Variants in RNF144A observed in about 807,000 individuals in gnomAD.
The protein encoded by RNF144A is E3 ubiquitin-protein ligase RNF144A.
RNF144A carries 11 observed loss-of-function variants against 38.7 expected under a neutral mutation model. The observed-to-expected ratio is 0.28, with a 90% CI of 0.18 to 0.47. The LOEUF (loss-of-function observed/expected upper bound fraction) is 0.47, where lower values mean the gene tolerates loss of function less well. RNF144A is among the 20% of genes least tolerant of loss of function. The pLI is 0.99. For synonymous variants in RNF144A, 149 were observed against 143.9 expected (o/e 1.04, Z -0.25); for missense variants, 316 against 377.2 (o/e 0.84, Z 1.34).
intron 2 of RNF144A, among the ~76,000 whole-genome samples, chr2:6,959,109 C>T (rs1408007832): frequency 6.6e-6 from 1 of 152,188 alleles, no homozygotes; most frequent in South Asian, 2.1e-4. Context: ...GAGGACAGGG[C>T]CTCTGCATCC....
intron 2 of RNF144A, among the ~76,000 whole-genome samples, chr2:6,952,126 A>G (rs893659781): frequency 6.6e-6 from 1 of 152,072 alleles, no homozygotes; most frequent in Non-Finnish European, 1.5e-5. Flanking sequence ...TACATGTTGA[A>G]TTTTATCAAA....
At chr2:7,022,046 C>T (rs1671567605) in intron 6 of RNF144A, among the ~76,000 whole-genome samples, 1 of 152,224 alleles carries the variant, frequency 6.6e-6, no homozygotes, top group Admixed American at 6.5e-5. Context: ...AATCCGAATC[C>T]TAAGCCTCTC....
intron 2 of RNF144A, among the ~76,000 whole-genome samples, chr2:6,955,039 G>A (rs1666915333): frequency 6.6e-6 from 1 of 152,092 alleles, no homozygotes; most frequent in South Asian, 2.1e-4. Flanking sequence ...AGACAAATCA[G>A]GATTTCATCA....
chr2:6,987,882 G>A (rs1048975824), intron 2 of RNF144A, among the ~76,000 whole-genome samples: 7 of 152,090 alleles, frequency 4.6e-5, no homozygotes, highest in African/African-American at 1.7e-4. Context: ...TATTTCTTAC[G>A]AAGCTTTAAT....
intron 1 of RNF144A, among the ~76,000 whole-genome samples, chr2:6,935,205 A>G (rs1006156969): frequency 6.6e-6 from 1 of 152,078 alleles, no homozygotes; most frequent in African/African-American, 2.4e-5. Context: ...CCTTCCTGTT[A>G]CTACTTTAGC....
chr2:6,994,117 G>A (rs1234229730), intron 2 of RNF144A, among the ~76,000 whole-genome samples: 2 of 152,164 alleles, frequency 1.3e-5, no homozygotes, highest in Non-Finnish European at 2.9e-5. Context: ...ACTGCAAAGC[G>A]TGAACTCTTT....
chr2:7,061,320 C>T (rs1673944340), intron 6 of RNF144A, among the ~76,000 whole-genome samples: 1 of 152,194 alleles, frequency 6.6e-6, no homozygotes. Context: ...ACAGAGCTCT[C>T]ATGGGAGCCT....
Position 7,041,568 on chromosome 2 carries a change from T to C in RNF144A, c.*1808T>C, listed in dbSNP as rs1421155898. ...TTTGTGGTGCTGTGATGGTGTCTAC[T>C]GTTAGAATAGCTTTTCTGGAGGTGG... On this transcript the variant is annotated 3_prime_UTR_variant, in exon 9 of 9. Transcript: ENST00000320892. 1 of 985,936 alleles carries C rather than the reference T, an allele frequency of 1.0e-6. No individual in the cohort carries two copies. The highest frequency in any genetic ancestry group is 1.7e-5 in the African/African-American group (1 of 57,236). The allele number at this position is 985,936 out of a possible 1,614,324, so 61.1% of individuals were successfully genotyped here.
At chr2:7,033,168 CA>C (rs1436546761) in intron 8 of RNF144A, among the ~76,000 whole-genome samples, 1 of 152,264 alleles carries the variant, frequency 6.6e-6, no homozygotes, top group Non-Finnish European at 1.5e-5. Flanking sequence ...CCCACATACT[CA>C]GGCTTACCAT....
intron 5 of RNF144A, among the ~76,000 whole-genome samples, chr2:7,015,290 T>C (rs575170393): frequency 4.9e-4 from 74 of 152,310 alleles, no homozygotes; most frequent in Admixed American, 2.5e-3. Flanking sequence ...AAGTCCCTTA[T>C]CCCAGTAAGT....
intron 6 of RNF144A, among the ~76,000 whole-genome samples, chr2:7,051,177 A>G (rs1333206383): frequency 6.6e-6 from 1 of 152,140 alleles, no homozygotes; most frequent in African/African-American, 2.4e-5. Flanking sequence ...GGGGTCGGGG[A>G]TGGAGAGAGC....
At chr2:7,030,976 C>T (rs982061927) in intron 8 of RNF144A, among the ~76,000 whole-genome samples, 1 of 152,056 alleles carries the variant, frequency 6.6e-6, no homozygotes, top group African/African-American at 2.4e-5. Context: ...CAACAGGGTT[C>T]GTGCTCCTAC....
At chr2:6,957,848 A>G (rs1440278253) in intron 2 of RNF144A, among the ~76,000 whole-genome samples, 3 of 152,180 alleles carry the variant, frequency 2.0e-5, no homozygotes, top group Non-Finnish European at 4.4e-5. Flanking sequence ...AGCACTCTAT[A>G]TTGCCTTGCA....
Position 6,941,411 on chromosome 2 carries a change from C to A in RNF144A, c.-12+264C>A, listed in dbSNP as rs1665965350. On this transcript the variant is annotated intron_variant, in intron 2 of 8. Transcript: ENST00000320892. This position sits in a 1 kb window ranked among gnomAD's most constrained non-coding sequence, Gnocchi z 6.5. ...TATTCATTTGCTGCTTTTAACAATC[C>A]TTGGAGTCTCCTGTTTTAGATCTCC... Among the ~76,000 whole-genome samples the A allele has an allele frequency of 6.6e-6, 1 of 152,286 alleles. No homozygotes were observed. Among genetic ancestry groups the A allele is most frequent in the Admixed American group, 6.5e-5 (1 of 15,296 alleles).
At chr2:6,961,237 G>T (rs78253485) in intron 2 of RNF144A, among the ~76,000 whole-genome samples, 3,026 of 152,014 alleles carry the variant, frequency 0.02, 97 homozygotes, top group African/African-American at 0.07. Flanking sequence ...AAGGTCTATT[G>T]CTTCATAGGC....
Position 7,020,602 on chromosome 2 carries a change from C to T in RNF144A, c.431C>T (p.Ser144Phe), listed in dbSNP as rs1313167398. 6.2e-7 allele frequency: 1 copy of T among 1,611,596 alleles called. No homozygotes were observed. The highest frequency in any genetic ancestry group is 8.5e-7 in the Non-Finnish European group (1 of 1,180,004). ...AAAGCCTGCCGTATGGAATTCTGCTCCACCTGCAAAGCCAGCTGGCACCCT... is the reference window on the plus strand; with the variant it reads ...AAAGCCTGCCGTATGGAATTCTGCTTCACCTGCAAAGCCAGCTGGCACCCT... ...QCKACRMEFC[S>F]TCKASWHPGQ... is the part of the protein sequence containing the mutation. The change falls in exon 6 of 9, where the codon TCC (serine) becomes TTC (phenylalanine). Residue 144 changes from serine (S) to phenylalanine (F), a missense_variant. Physicochemically the swap from Ser to Phe is radical, Grantham distance 155. Transcript: ENST00000320892.
Position 7,044,164 on chromosome 2 carries a change from A to C in RNF144A, c.*4404A>C, listed in dbSNP as rs1440861456. Reference sequence around the variant, plus strand: ...TTTAAAGCTATTTTGGCTGGAATACAGGTGACTTTTGTAAACCCCGCGTGG... The same window carrying C: ...TTTAAAGCTATTTTGGCTGGAATACCGGTGACTTTTGTAAACCCCGCGTGG... On this transcript the variant is annotated 3_prime_UTR_variant, in exon 9 of 9. Coordinates refer to ENST00000320892, the MANE Select transcript of RNF144A (RefSeq NM_014746.6). 1.0e-6 allele frequency: 1 copy of C among 985,602 alleles called. No homozygotes were observed. Among genetic ancestry groups the C allele is most frequent in the Non-Finnish European group, 1.2e-6 (1 of 829,944 alleles). The allele number at this position is 985,602 out of a possible 1,614,324, so 61.1% of individuals were successfully genotyped here. A position where few individuals can be genotyped will look rare whatever the true frequency, so the allele number is the denominator to read the frequency against.
rs760376595 is a variant in RNF144A at position 7,030,155 on chromosome 2, G to A, written c.687G>A (p.Lys229=). The A allele has an allele frequency of 2.5e-6, 4 of 1,614,054 alleles. No homozygotes were observed. The East Asian group carries it at 6.7e-5, about 27-fold the overall frequency. Residue 229 remains lysine, a synonymous_variant, in exon 8 of 9, where the codon AAG becomes AAA. Coordinates refer to ENST00000320892, the MANE Select transcript of RNF144A (RefSeq NM_014746.6). The stretch of plus-strand genomic sequence containing the variant: ...ATTTCCTTCTGATACACTACGATAA[G>A]GGACCCTGCCGGAACAAGCTGGGCC... ...DDDFLLIHYD[K]GPCRNKLGHS...
At chr2:7,014,638 G>T in intron 4 of RNF144A, 74 bp from the exon 5 acceptor site, 1 of 1,535,236 alleles carries the variant, frequency 6.5e-7, no homozygotes, top group South Asian at 1.1e-5. Context: ...CGTGGGTTTT[G>T]TTTGGGTGTG....
Sources: gnomAD v4.1 joint callset for allele counts (sites outside exome capture counted in the v4.1 genomes callset) on GRCh38, gnomAD v4.1.1 for gene constraint, Gnocchi (gnomAD v3.1) non-coding constraint, MANE v1.5 for transcripts, NCBI Gene and HGNC (gene_info 2026-07-23, HGNC 2026-07-21) for gene names.